CELF1: variants seen among roughly 807,000 people sequenced by gnomAD.
CELF1 encodes CUGBP Elav-like family member 1, also known as 50 kDa nuclear polyadenylated RNA-binding protein.
CELF1 carries 10 observed loss-of-function variants against 61.8 expected under a neutral mutation model. The ratio of observed to expected loss-of-function variants is 0.16; its 90% CI spans 0.10 to 0.27. CELF1 has a LOEUF of 0.27. CELF1 is among the 10% of genes least tolerant of loss of function. CELF1 has a pLI of 1.00. For synonymous variants in CELF1, 236 were observed against 225.1 expected (o/e 1.05, Z -0.43); for missense variants, 380 against 639.1 (o/e 0.59, Z 4.37).
chr11:47,473,772 A>C (rs1384351530), intron 13 of CELF1, among the ~76,000 whole-genome samples: 2 of 152,252 alleles, frequency 1.3e-5, no homozygotes, highest in Non-Finnish European at 2.9e-5. Context: ...CTGTATGCCA[A>C]AATCAGTGAG....
chr11:47,473,369 T>C, intron 13 of CELF1, 138 bp from the exon 14 acceptor site: 2 of 782,020 alleles, frequency 2.6e-6, no homozygotes, highest in East Asian at 2.6e-5. Flanking sequence ...ACTAAACAGA[T>C]TCTCTAAATA....
intron 2 of CELF1, among the ~76,000 whole-genome samples, chr11:47,564,188 A>G (rs1201046755): frequency 3.4e-5 from 5 of 147,030 alleles, no homozygotes; most frequent in South Asian, 2.2e-4. Flanking sequence ...AAAAAAAAAA[A>G]AAAAAAGAAA....
intron 1 of CELF1, among the ~76,000 whole-genome samples, chr11:47,511,134 T>TA (rs1357426191): frequency 4.6e-5 from 7 of 152,122 alleles, no homozygotes; most frequent in African/African-American, 1.7e-4. Flanking sequence ...TGCAGTGAGC[T>TA]GTGATGGCAC....
chr11:47,522,657 A>G (rs1016142506), intron 1 of CELF1, among the ~76,000 whole-genome samples: 24 of 152,004 alleles, frequency 1.6e-4, no homozygotes, highest in African/African-American at 7.2e-5. Context: ...GTGAAACCCC[A>G]TCTCTACTAA....
chr11:47,519,295 G>A (rs749770448), intron 1 of CELF1, among the ~76,000 whole-genome samples: 4 of 151,638 alleles, frequency 2.6e-5, no homozygotes, highest in Admixed American at 1.3e-4. Context: ...CCTGGCCAAC[G>A]GGGTGAAACC....
intron 1 of CELF1, among the ~76,000 whole-genome samples, chr11:47,503,596 G>A (rs1038106199): frequency 3.9e-5 from 6 of 152,150 alleles, no homozygotes; most frequent in African/African-American, 1.2e-4. Context: ...GCTGCTAAGT[G>A]GACTGGGTAT....
intron 1 of CELF1, among the ~76,000 whole-genome samples, chr11:47,526,023 A>G (rs2096222822): frequency 6.6e-6 from 1 of 152,118 alleles, no homozygotes; most frequent in South Asian, 2.1e-4. Context: ...CCCACCTACC[A>G]GAACTCTCAT....
At chr11:47,561,600 T>C (rs1555194792) in intron 2 of CELF1, among the ~76,000 whole-genome samples, 2 of 152,208 alleles carry the variant, frequency 1.3e-5, no homozygotes, top group Non-Finnish European at 2.9e-5. Context: ...TGCAGTCCAC[T>C]TTGGAAAACT....
intron 1 of CELF1, among the ~76,000 whole-genome samples, chr11:47,549,476 T>C (rs937122381): frequency 6.6e-6 from 1 of 152,310 alleles, no homozygotes; most frequent in Middle Eastern, 3.4e-3. Flanking sequence ...ATATACACAA[T>C]GGAGTATTAG....
At chr11:47,482,883 C>T (rs986395011) in intron 8 of CELF1, 27 bp from the exon 9 acceptor site, 33 of 1,591,098 alleles carry the variant, frequency 2.1e-5, no homozygotes, top group Non-Finnish European at 2.7e-5. Flanking sequence ...ACGAAAGGGT[C>T]AAATTCCTCC....
intron 1 of CELF1, among the ~76,000 whole-genome samples, chr11:47,545,957 C>T (rs2096934723): frequency 6.7e-6 from 1 of 150,054 alleles, no homozygotes; most frequent in Admixed American, 6.7e-5. Flanking sequence ...CTCACCCAGG[C>T]TGGAGTGCAG....
chr11:47,534,022 C>CTTTTTTTTTT (rs71042679), intron 1 of CELF1, among the ~76,000 whole-genome samples: 9 of 87,608 alleles, frequency 1.0e-4, no homozygotes, highest in Non-Finnish European at 1.9e-4. Context: ...TTTTTCTTTC[C>CTTTTTTTTTT]TTTTTTTTTT....
intron 1 of CELF1, among the ~76,000 whole-genome samples, chr11:47,534,398 C>A (rs1360610321): frequency 6.6e-6 from 1 of 151,100 alleles, no homozygotes; most frequent in African/African-American, 2.4e-5. Context: ...CTTCTCTACA[C>A]AATTATGTTA....
intron 1 of CELF1, among the ~76,000 whole-genome samples, chr11:47,524,223 T>C (rs1301974236): frequency 1.3e-5 from 2 of 151,970 alleles, no homozygotes; most frequent in Admixed American, 6.6e-5. Flanking sequence ...TCAAATTTTA[T>C]GTCAAAAAAT....
At chr11:47,530,731 G>C (rs1033150179) in intron 1 of CELF1, among the ~76,000 whole-genome samples, 7 of 152,090 alleles carry the variant, frequency 4.6e-5, no homozygotes, top group Non-Finnish European at 8.8e-5. Context: ...GAGGCAGGAA[G>C]ATTGCTTGAG....
chr11:47,518,410 C>A (rs1204452765), intron 1 of CELF1, among the ~76,000 whole-genome samples: 1 of 152,170 alleles, frequency 6.6e-6, no homozygotes, highest in Non-Finnish European at 1.5e-5. Flanking sequence ...GTAAAGAAGG[C>A]AAGGGACAGG....
chr11:47,476,822 T>C, intron 12 of CELF1, 24 bp downstream of exon 12: 2 of 1,560,944 alleles, frequency 1.3e-6, no homozygotes, highest in Non-Finnish European at 1.8e-6. Flanking sequence ...AATAGTCTGA[T>C]GACAGCCAGG....
chr11:47,486,878 A>G (rs2087648029), intron 5 of CELF1, 80 bp from the exon 6 acceptor site: 1 of 1,099,502 alleles, frequency 9.1e-7, no homozygotes, highest in Non-Finnish European at 1.4e-6. Context: ...AAATACCAGA[A>G]CTAGAGCTTT....
intron 3 of CELF1, among the ~76,000 whole-genome samples, chr11:47,489,941 T>TTTTTTG (rs2090420728): frequency 9.1e-6 from 1 of 109,424 alleles, no homozygotes; most frequent in African/African-American, 3.8e-5. Flanking sequence ...TCTTGTTTTT[T>TTTTTTG]TTTTTTTTTT....
Sources: allele counts gnomAD v4.1 joint callset (sites outside exome capture counted in the v4.1 genomes callset), GRCh38; gene constraint gnomAD v4.1.1; transcripts MANE v1.5; gene names NCBI Gene and HGNC (gene_info 2026-07-23, HGNC 2026-07-21).